The following DUS2 variants were observed in gnomAD, a reference collection of about 807,000 sequenced individuals.
The protein encoded by DUS2 is tRNA-dihydrouridine(20) synthase [NAD(P)+]-like.
DUS2 carries 52 observed loss-of-function variants against 71.3 expected under a neutral mutation model. The ratio of observed to expected loss-of-function variants is 0.73; its 90% CI spans 0.58 to 0.92. The LOEUF is 0.92. DUS2 is among the 40% of genes least tolerant of loss of function. The probability of loss-of-function intolerance (pLI) is 0.00; values close to 1 mark genes in which losing one functional copy is unlikely to be tolerated. For missense variants in DUS2, 558 were observed against 622.6 expected, an observed-to-expected ratio of 0.90 and a Z score of 1.10; for synonymous variants, 204 against 227.8, an observed-to-expected ratio of 0.90 and a Z score of 0.94.
At chr16:68,059,354 G>A (rs2033906630) in intron 7 of DUS2, among the ~76,000 whole-genome samples, 1 of 152,132 alleles carries the variant, frequency 6.6e-6, no homozygotes, top group Non-Finnish European at 1.5e-5. Flanking sequence ...TAATAGAAAC[G>A]AAGGAAGGAA....
In DUS2 at chr16:68,036,418, C is replaced by T. The variant is rs143971866; in HGVS notation, c.-18-1588C>T. On this transcript the variant is annotated intron_variant, in intron 2 of 16. Transcript: ENST00000565263. Reference sequence around the variant, plus strand: ...TCAGGTGATCCACCTGCCTCTGCCTCCCAAAGTGCTGGGATTACAGGCGTG... The same window carrying T: ...TCAGGTGATCCACCTGCCTCTGCCTTCCAAAGTGCTGGGATTACAGGCGTG... Among the ~76,000 whole-genome samples the T allele has an allele frequency of 6.9e-3, 1,047 of 152,204 alleles. 18 individuals carry two copies. Among genetic ancestry groups the T allele is most frequent in the African/African-American group, 0.023 (975 of 41,506 alleles).
intron 7 of DUS2, among the ~76,000 whole-genome samples, chr16:68,059,389 A>G (rs1454801418): frequency 2.0e-5 from 3 of 152,204 alleles, no homozygotes; most frequent in Non-Finnish European, 4.4e-5. Flanking sequence ...TGAGAAAGCT[A>G]TTATTGTGGA....
intron 3 of DUS2, among the ~76,000 whole-genome samples, chr16:68,040,559 A>T (rs2033608100): frequency 6.6e-6 from 1 of 152,184 alleles, no homozygotes; most frequent in African/African-American, 2.4e-5. Context: ...ATCTGTTAGC[A>T]TTGTTTGATG....
At chr16:68,031,676 A>G (rs538757613) in intron 2 of DUS2, among the ~76,000 whole-genome samples, 7 of 151,772 alleles carry the variant, frequency 4.6e-5, no homozygotes, top group Non-Finnish European at 1.0e-4. Flanking sequence ...TATTATGTCC[A>G]TGTAACTGAA....
At chr16:68,038,796 A>G (rs939357838) in intron 3 of DUS2, among the ~76,000 whole-genome samples, 4 of 150,296 alleles carry the variant, frequency 2.7e-5, no homozygotes, top group Admixed American at 6.6e-5. Flanking sequence ...ATGCCGTAAT[A>G]CTAGTACTTT....
intron 2 of DUS2, among the ~76,000 whole-genome samples, chr16:68,036,304 G>A (rs1422946702): frequency 2.8e-4 from 43 of 152,182 alleles, no homozygotes; most frequent in Admixed American, 2.8e-3. Context: ...AGGATTACAG[G>A]CACTTGTCAT....
At chr16:68,025,647 T>G (rs1160110927) in intron 2 of DUS2, among the ~76,000 whole-genome samples, 153 bp downstream of exon 2, 2 of 152,168 alleles carry the variant, frequency 1.3e-5, no homozygotes, top group Non-Finnish European at 2.9e-5. Context: ...AGCCTGTCTG[T>G]GTCCGTGGCC....
chr16:68,033,380 A>G (rs1395884747), intron 2 of DUS2, among the ~76,000 whole-genome samples: 1 of 152,204 alleles, frequency 6.6e-6, no homozygotes, highest in Non-Finnish European at 1.5e-5. Context: ...TATTAATGAA[A>G]TGGGAAAGAT....
intron 3 of DUS2, among the ~76,000 whole-genome samples, chr16:68,047,016 C>T (rs1420205364): frequency 3.5e-5 from 5 of 142,614 alleles, no homozygotes; most frequent in African/African-American, 1.3e-4. Context: ...TCCCAAAGTG[C>T]TGGGATTACA....
Position 68,071,844 on chromosome 16 carries a change from G to T in DUS2, c.810+736G>T, listed in dbSNP as rs966503767. ...AATAGAGATGAGGTCTCCCTATGTT[G>T]CCCAGGCTGGGAATGGCCTTTTCTA... On this transcript the variant is annotated intron_variant, in intron 12 of 16. Coordinates refer to ENST00000565263, the MANE Select transcript of DUS2 (RefSeq NM_017803.5). Among the ~76,000 whole-genome samples the T allele has an allele frequency of 2.0e-5, 3 of 152,122 alleles. No homozygotes were observed. In the East Asian group the frequency reaches 5.8e-4, roughly 29 times the overall value.
chr16:68,047,457 T>TTTGTTG (rs567806198), intron 3 of DUS2, among the ~76,000 whole-genome samples: 1 of 151,848 alleles, frequency 6.6e-6, no homozygotes, highest in African/African-American at 2.4e-5. Context: ...TAACAAAGTT[T>TTTGTTG]TTGTTGTTGT....
At chr16:68,058,665 A>T (rs1232228539) in intron 7 of DUS2, among the ~76,000 whole-genome samples, 1 of 152,180 alleles carries the variant, frequency 6.6e-6, no homozygotes. Flanking sequence ...TTATTTGTTT[A>T]TTCAGGGAAG....
rs2033558848 is a variant in DUS2 at position 68,038,034 on chromosome 16, A to G, written c.11A>G (p.Asn4Ser). 1 of 1,613,542 alleles carries G rather than the reference A, an allele frequency of 6.2e-7. No individual in the cohort carries two copies. Among genetic ancestry groups the G allele is most frequent in the South Asian group, 1.1e-5 (1 of 91,024 alleles). The change falls in exon 3 of 17, where the codon AAT becomes AGT. Residue 4 changes from asparagine to serine, a missense_variant. By Grantham distance (46) the Asn-to-Ser change is conservative. Coordinates refer to ENST00000565263, the MANE Select transcript of DUS2 (RefSeq NM_017803.5). The part of the protein sequence containing the change: MIL[N>S]SLSLCYHNKL... ...GTAACAGAGGAGGAAATGATTTTGAATAGCCTCTCTCTGTGTTACCATAAT... is the reference window on the plus strand; with the variant it reads ...GTAACAGAGGAGGAAATGATTTTGAGTAGCCTCTCTCTGTGTTACCATAAT...
chr16:68,037,678 CAA>C (rs2033552671), intron 2 of DUS2, among the ~76,000 whole-genome samples: 1 of 152,008 alleles, frequency 6.6e-6, no homozygotes, highest in Admixed American at 6.6e-5. Context: ...CTCGGCCTCC[CAA>C]AGTGTTGGGA....
intron 10 of DUS2, among the ~76,000 whole-genome samples, chr16:68,069,104 G>A (rs1363362879): frequency 6.6e-6 from 1 of 152,026 alleles, no homozygotes; most frequent in African/African-American, 2.4e-5. Context: ...GTATAGTAGA[G>A]GGGCCCGGGC....
intron 2 of DUS2, among the ~76,000 whole-genome samples, chr16:68,030,613 T>C (rs565758496): frequency 6.6e-6 from 1 of 151,120 alleles, no homozygotes; most frequent in Non-Finnish European, 1.5e-5. Context: ...AATAAATAAA[T>C]AAAAACCCAC....
chr16:68,072,976 G>A lies in DUS2; in HGVS notation c.811-1058G>A, dbSNP rs571461917. Among the ~76,000 whole-genome samples the A allele has an allele frequency of 1.1e-4, 16 of 152,366 alleles. No homozygotes were observed. In the South Asian group the frequency reaches 2.9e-3, roughly 28 times the overall value. ...GGGGAAGTTAGAGGCTATTCAAGAT[G>A]TGGGAAGGGAAGGTGCCCATTCTGG... is the stretch of plus-strand genomic sequence containing the variant. On this transcript the variant is annotated intron_variant, in intron 12 of 16. Coordinates refer to ENST00000565263, the MANE Select transcript of DUS2 (RefSeq NM_017803.5).
chr16:68,023,560 T>G, intron 1 of DUS2: 1 of 262,132 alleles, frequency 3.8e-6, no homozygotes. Flanking sequence ...AGATAGCTTG[T>G]CCCGTGCTGG....
intron 2 of DUS2, among the ~76,000 whole-genome samples, chr16:68,032,077 T>A (rs1356244646): frequency 1.3e-5 from 2 of 152,154 alleles, no homozygotes; most frequent in African/African-American, 2.4e-5. Context: ...AATGAGTGAC[T>A]AAAGTGGTGA....
Sources: allele counts gnomAD v4.1 joint callset (sites outside exome capture counted in the v4.1 genomes callset), GRCh38; gene constraint gnomAD v4.1.1; transcripts MANE v1.5; gene names NCBI Gene and HGNC (gene_info 2026-07-23, HGNC 2026-07-21).